Variants in FBN1 observed in about 807,000 individuals in gnomAD.
FBN1 encodes the protein fibrillin-1.
Under a neutral mutation model 365.1 loss-of-function variants are expected in FBN1, and 29 were observed. That is an observed-to-expected ratio of 0.08 (90% CI 0.06 to 0.11). The LOEUF is 0.11. Ranked by LOEUF, FBN1 falls within the 10% of genes least tolerant of loss-of-function variation. The pLI, the probability that FBN1 is intolerant of heterozygous loss-of-function variation, is 1.00. For missense variants in FBN1, 2,476 were observed against 3,703.2 expected (o/e 0.67, Z 8.60); for synonymous variants, 1,210 against 1,270.5 (o/e 0.95, Z 1.01).
intron 6 of FBN1, among the ~76,000 whole-genome samples, chr15:48,549,309 A>G (rs2141371469): frequency 6.6e-6 from 1 of 152,344 alleles, no homozygotes; most frequent in Non-Finnish European, 1.5e-5. Context: ...TGGAATTGGG[A>G]TTGACGAGCA....
At chr15:48,540,603 G>T (rs929836993) in intron 6 of FBN1, among the ~76,000 whole-genome samples, 5 of 151,998 alleles carry the variant, frequency 3.3e-5, no homozygotes, top group Non-Finnish European at 7.4e-5. Flanking sequence ...ACATTACAAT[G>T]AATCCTTTTC....
At chr15:48,593,155 C>T (rs1313729048) in intron 6 of FBN1, among the ~76,000 whole-genome samples, 1 of 152,150 alleles carries the variant, frequency 6.6e-6, no homozygotes, top group Non-Finnish European at 1.5e-5. Flanking sequence ...AACCAAAATA[C>T]TATGTTCATG....
rs199810019 is a variant in FBN1 at position 48,470,617 on chromosome 15, G to A, written c.4459+17C>T. On this transcript the variant is annotated intron_variant, in intron 36 of 65. Coordinates refer to ENST00000316623, the MANE Select transcript of FBN1 (RefSeq NM_000138.5). ...GGGACACCAGGGAGCTGATTTTGATGCCAGTGGAGGTCTTACCTGTGCAGT... is the reference window on the plus strand; with the variant it reads ...GGGACACCAGGGAGCTGATTTTGATACCAGTGGAGGTCTTACCTGTGCAGT... 4.3e-6 allele frequency: 7 copies of A among 1,613,572 alleles called. No homozygotes were observed. Among genetic ancestry groups the A allele is most frequent in the Non-Finnish European group, 5.9e-6 (7 of 1,179,992 alleles).
At position 48,520,652 on chromosome 15, in the gene FBN1, C is replaced by T. The variant is rs373156788; in HGVS notation, c.1147+7G>A. 13 of 1,613,994 alleles carry T rather than the reference C, an allele frequency of 8.1e-6. 1 individual carries two copies. In the African/African-American group the frequency reaches 1.7e-4, roughly 22 times the overall value. ...GATATTCTGCAGATAACTGGAAGGG[C>T]TCTTACCGGTTGCTCTGATGGGACA... On this transcript the variant is annotated splice_region_variant and intron_variant, in intron 10 of 65. Coordinates refer to ENST00000316623, the MANE Select transcript of FBN1 (RefSeq NM_000138.5).
At chr15:48,572,728 T>G (rs2044315736) in intron 6 of FBN1, among the ~76,000 whole-genome samples, 1 of 152,110 alleles carries the variant, frequency 6.6e-6, no homozygotes, top group Non-Finnish European at 1.5e-5. Context: ...ATGATGGCAG[T>G]CACCTCTGGA....
chr15:48,491,526 T>G (rs1347019040), intron 24 of FBN1, among the ~76,000 whole-genome samples: 1 of 152,116 alleles, frequency 6.6e-6, no homozygotes, highest in Admixed American at 6.5e-5. Flanking sequence ...ACTTTTTTTG[T>G]ATTTTTAGTA....
rs202240409 is a variant in FBN1 at position 48,415,623 on chromosome 15, G to A, written c.7964C>T (p.Ala2655Val). 1.6e-4 allele frequency: 253 copies of A among 1,614,220 alleles called. 2 individuals are homozygous for A. Among genetic ancestry groups the A allele is most frequent in the South Asian group, 1.5e-3 (134 of 91,086 alleles). The change falls in exon 64 of 66, where the codon GCG (alanine) becomes GTG (valine). Residue 2655 changes from alanine to valine, a missense_variant. Coordinates refer to ENST00000316623, the MANE Select transcript of FBN1 (RefSeq NM_000138.5). ...GCQDINECGS[A>V]QAPCSYGCSN... ...ACAGCCATAGCTGCAGGGGGCCTGCGCAGAGCCACATTCATTGATGTCTTG... is the reference window on the plus strand; with the variant it reads ...ACAGCCATAGCTGCAGGGGGCCTGCACAGAGCCACATTCATTGATGTCTTG...
chr15:48,510,001 C>T (rs1305598786), intron 14 of FBN1, 43 bp downstream of exon 14: 1 of 1,607,294 alleles, frequency 6.2e-7, no homozygotes. Context: ...GATATTGAAA[C>T]TGCAATGGAA....
At chr15:48,452,380 T>C (rs1354865145) in intron 45 of FBN1, among the ~76,000 whole-genome samples, 182 bp downstream of exon 45, 3 of 152,260 alleles carry the variant, frequency 2.0e-5, no homozygotes, top group Non-Finnish European at 4.4e-5. Flanking sequence ...ATTAAAAAGC[T>C]AAGTGTTTAG....
At chr15:48,503,170 C>G (rs1277411684) in intron 17 of FBN1, among the ~76,000 whole-genome samples, 2 of 151,682 alleles carry the variant, frequency 1.3e-5, no homozygotes, top group South Asian at 4.2e-4. Context: ...TGGTGGCGCA[C>G]ACGTGTAATC....
chr15:48,592,647 C>G (rs190220118), intron 6 of FBN1, among the ~76,000 whole-genome samples: 1 of 151,740 alleles, frequency 6.6e-6, no homozygotes, highest in Admixed American at 6.6e-5. Context: ...CAAATGTGAA[C>G]TTACCAAAAA....
At chr15:48,445,326 A>C in intron 48 of FBN1, 50 bp downstream of exon 48, 3 of 1,599,340 alleles carry the variant, frequency 1.9e-6, no homozygotes, top group Non-Finnish European at 2.6e-6. Context: ...TGATTCCTTG[A>C]GTGGTCTCTG....
intron 6 of FBN1, among the ~76,000 whole-genome samples, chr15:48,554,207 T>G (rs1452831743): frequency 6.6e-6 from 1 of 152,126 alleles, no homozygotes; most frequent in African/African-American, 2.4e-5. Context: ...CAGAACAAAT[T>G]AGTGGCAGAT....
intron 6 of FBN1, among the ~76,000 whole-genome samples, chr15:48,543,540 CA>C (rs1223526244): frequency 4.6e-5 from 7 of 152,256 alleles, no homozygotes; most frequent in African/African-American, 1.7e-4. Context: ...ACTTCCACAC[CA>C]AACTTCTAGC....
intron 64 of FBN1, among the ~76,000 whole-genome samples, chr15:48,413,541 T>C (rs887736943): frequency 3.3e-5 from 5 of 152,232 alleles, no homozygotes; most frequent in Admixed American, 6.5e-5. Flanking sequence ...CACAAGTACC[T>C]TGTTTTGTTA....
rs969747681 is a variant in FBN1, at chr15:48,505,307, G to A, written c.1838-160C>T. ...ATGGCATTCTCATTTTCCTTTGAAA[G>A]AACAGTAACAAAATCAAGAGAAATC... On this transcript the variant is annotated intron_variant, in intron 15 of 65. Transcript: ENST00000316623. Among the ~76,000 whole-genome samples, 63 of 152,132 alleles carry A rather than the reference G, an allele frequency of 4.1e-4. 1 individual carries two copies. Among genetic ancestry groups the A allele is most frequent in the African/African-American group, 1.4e-3 (60 of 41,434 alleles).
chr15:48,477,691 C>A (rs553353330), intron 32 of FBN1, among the ~76,000 whole-genome samples: 2 of 152,192 alleles, frequency 1.3e-5, no homozygotes, highest in African/African-American at 2.4e-5. Flanking sequence ...AAACATAGTA[C>A]ATGTTTGCCA....
Position 48,558,509 on chromosome 15 carries a change from A to AGCTGTTTTG in FBN1, c.539-20710_539-20702dup, listed in dbSNP as rs1440296002. Among the ~76,000 whole-genome samples, 7 of 152,334 alleles carry AGCTGTTTTG rather than the reference A, an allele frequency of 4.6e-5. No individual in the cohort carries two copies. In the South Asian group the frequency reaches 1.5e-3, roughly 32 times the overall value. On this transcript the variant is annotated intron_variant, in intron 6 of 65. Transcript: ENST00000316623. Reference sequence around the variant, plus strand: ...AGCAAAGCATAGTTTTTTTTGTTAAAGCTGTTTTGGCTGTTTTGGCACACT... The same window carrying AGCTGTTTTG: ...AGCAAAGCATAGTTTTTTTTGTTAAAGCTGTTTTGGCTGTTTTGGCTGTTTTGGCACACT...
At chr15:48,445,576 C>A in intron 47 of FBN1, 72 bp from the exon 48 acceptor site, 1 of 1,545,286 alleles carries the variant, frequency 6.5e-7, no homozygotes, top group East Asian at 2.3e-5. Flanking sequence ...ATCAAAACTT[C>A]TAAAAGAAAA....
Sources: allele counts gnomAD v4.1 joint callset (sites outside exome capture counted in the v4.1 genomes callset), GRCh38; gene constraint gnomAD v4.1.1; transcripts MANE v1.5; gene names NCBI Gene and HGNC (gene_info 2026-07-23, HGNC 2026-07-21).